The following CNPY1 variants were observed in gnomAD, a reference collection of about 807,000 sequenced individuals.
CNPY1 encodes canopy FGF signaling regulator 1, also known as protein canopy homolog 1.
CNPY1 carries 14 observed loss-of-function variants against 14.4 expected under a neutral mutation model. That is an observed-to-expected ratio of 0.97 (90% CI 0.64 to 1.52). The LOEUF (loss-of-function observed/expected upper bound fraction) is 1.52. CNPY1 is among the 40% of genes most tolerant of loss of function. The pLI, the probability that CNPY1 is intolerant of heterozygous loss-of-function variation, is 0.00. For missense variants in CNPY1, 129 were observed against 131.5 expected, an observed-to-expected ratio of 0.98 and a Z score of 0.09; for synonymous variants, 43 against 46.5, an observed-to-expected ratio of 0.92 and a Z score of 0.31.
At chr7:155,512,451 CTTG>C (rs1305735936) in intron 2 of CNPY1, among the ~76,000 whole-genome samples, 1 of 152,118 alleles carries the variant, frequency 6.6e-6, no homozygotes, top group Non-Finnish European at 1.5e-5. Flanking sequence ...TGACCCTGTG[CTTG>C]TTGTGTGAGC....
chr7:155,546,386 CTA>C lies in CNPY1; in HGVS notation c.-15+41_-15+42del, dbSNP rs1400088461. ...TTTTTTTAAGAGACGGGGGGTCTCA[CTA>C]TGTTGCCCAGGTAGGTCTTGAACTC... On this transcript the variant is annotated intron_variant, in intron 1 of 4. Transcript: ENST00000636446. The C allele has an allele frequency of 2.3e-5, 9 of 397,532 alleles. No individual in the cohort carries two copies. The East Asian group carries it at 3.2e-4, about 14-fold the overall frequency. The allele number at this position is 397,532 out of a possible 1,614,324, so 24.6% of individuals were successfully genotyped here.
At chr7:155,545,562 A>G (rs2116764331) in intron 2 of CNPY1, among the ~76,000 whole-genome samples, 1 of 152,326 alleles carries the variant, frequency 6.6e-6, no homozygotes, top group South Asian at 2.1e-4. Context: ...CCTCACCAAG[A>G]ACCACAGACG....
intron 2 of CNPY1, among the ~76,000 whole-genome samples, chr7:155,509,525 A>AGAGAGAGGGAGG (rs1491214732): frequency 6.6e-6 from 1 of 151,780 alleles, no homozygotes; most frequent in Non-Finnish European, 1.5e-5. Context: ...AGGGAGAGAC[A>AGAGAGAGGGAGG]GAGAGAGGGA....
At chr7:155,519,281 A>T (rs1274676916) in intron 2 of CNPY1, among the ~76,000 whole-genome samples, 1 of 152,126 alleles carries the variant, frequency 6.6e-6, no homozygotes, top group Non-Finnish European at 1.5e-5. Flanking sequence ...CCTGCACTAG[A>T]GAGGCCAAGA....
chr7:155,546,048 G>T, intron 1 of CNPY1, 105 bp from the exon 2 acceptor site: 1 of 398,124 alleles, frequency 2.5e-6, no homozygotes, highest in South Asian at 1.3e-4. Context: ...CAGGGACAGT[G>T]CCGACGTGCC....
intron 4 of CNPY1, 90 bp downstream of exon 4, chr7:155,506,930 G>A (rs539630390): frequency 8.4e-5 from 68 of 813,744 alleles, no homozygotes; most frequent in South Asian, 8.1e-4. Context: ...CAGAGGCAGC[G>A]AGGCTCGGTC....
intron 2 of CNPY1, among the ~76,000 whole-genome samples, chr7:155,517,231 G>T (rs1796638018): frequency 6.6e-6 from 1 of 152,114 alleles, no homozygotes. Flanking sequence ...CAGTGTCCTT[G>T]TAGGAAGAGG....
At chr7:155,544,794 T>C (rs1000761475) in intron 2 of CNPY1, among the ~76,000 whole-genome samples, 2 of 152,134 alleles carry the variant, frequency 1.3e-5, no homozygotes, top group East Asian at 1.9e-4. Context: ...TCTTGAAGGA[T>C]CCATCCTTGA....
At position 155,503,052 on chromosome 7, in the gene CNPY1, C is replaced by T. The variant is rs1796169246; in HGVS notation, c.*16G>A. 3 of 1,608,542 alleles carry T rather than the reference C, an allele frequency of 1.9e-6. No homozygotes were observed. The highest frequency in any genetic ancestry group is 1.7e-6 in the Non-Finnish European group (2 of 1,177,926). On this transcript the variant is annotated 3_prime_UTR_variant, in exon 5 of 5. Transcript: ENST00000636446. ...GTGTGACTTTACTCCTCTCTACGAC[C>T]AGCAGAACGGCACTCCTAGAGCTCA...
chr7:155,518,496 T>C (rs1796662565), intron 2 of CNPY1: 1 of 152,176 alleles, frequency 6.6e-6, no homozygotes, highest in African/African-American at 2.4e-5. Context: ...GACGGCACCT[T>C]TGGGAGAGCC....
chr7:155,521,079 CAAGGAAGG>C (rs1383173730), intron 2 of CNPY1, among the ~76,000 whole-genome samples: 3 of 90,666 alleles, frequency 3.3e-5, no homozygotes, highest in Non-Finnish European at 7.2e-5. Flanking sequence ...AGGAAGGAAG[CAAGGAAGG>C]AAGGAAGGAA....
At chr7:155,532,457 T>C (rs952296142) in intron 2 of CNPY1, among the ~76,000 whole-genome samples, 1 of 67,068 alleles carries the variant, frequency 1.5e-5, no homozygotes, top group Admixed American at 1.3e-4. Flanking sequence ...CCGTCTCTAC[T>C]AAAAATACAA....
At chr7:155,540,467 A>T (rs1797071131) in intron 2 of CNPY1, among the ~76,000 whole-genome samples, 2 of 152,260 alleles carry the variant, frequency 1.3e-5, no homozygotes, top group African/African-American at 4.8e-5. Flanking sequence ...GAAGCTAATT[A>T]CAGTGGCCCA....
At chr7:155,539,727 G>A (rs970879115) in intron 2 of CNPY1, among the ~76,000 whole-genome samples, 1 of 152,182 alleles carries the variant, frequency 6.6e-6, no homozygotes, top group Non-Finnish European at 1.5e-5. Context: ...TGTTAGCATG[G>A]GAGCCATATG....
At chr7:155,530,769 C>T (rs1213262836) in intron 2 of CNPY1, among the ~76,000 whole-genome samples, 2 of 152,200 alleles carry the variant, frequency 1.3e-5, no homozygotes, top group Admixed American at 1.3e-4. Context: ...GTGGGGGACC[C>T]AGTGATCCTG....
At chr7:155,510,012 G>C (rs1203503987) in intron 2 of CNPY1, among the ~76,000 whole-genome samples, 1 of 152,202 alleles carries the variant, frequency 6.6e-6, no homozygotes, top group Admixed American at 6.5e-5. Flanking sequence ...CGCAGCCCGG[G>C]CCTTTGCGGG....
rs527844481 is a variant in CNPY1 at position 155,523,262 on chromosome 7, C to T, written c.100-14165G>A. On this transcript the variant is annotated intron_variant, in intron 2 of 4. Coordinates refer to ENST00000636446, the MANE Select transcript of CNPY1 (RefSeq NM_001393663.1). ...TTATTCTTGCCAAATGGTCTGAACCCGCCTGGATGAGAACAGTCTCATGTA... is the reference window on the plus strand; with the variant it reads ...TTATTCTTGCCAAATGGTCTGAACCTGCCTGGATGAGAACAGTCTCATGTA... 5.3e-5 allele frequency among the ~76,000 whole-genome samples: 8 copies of T among 152,264 alleles called. No homozygotes were observed. In the South Asian group the frequency reaches 6.2e-4, roughly 12 times the overall value.
At chr7:155,510,040 C>T (rs987059053) in intron 2 of CNPY1, among the ~76,000 whole-genome samples, 5 of 152,230 alleles carry the variant, frequency 3.3e-5, no homozygotes, top group African/African-American at 1.2e-4. Flanking sequence ...CCTCTCCACC[C>T]TCTGCTGATC....
rs1488768680 is a variant in CNPY1 at position 155,501,877 on chromosome 7, T to C, written c.*1191A>G. 1 of 152,088 alleles carries C rather than the reference T, an allele frequency of 6.6e-6. No individual in the cohort carries two copies. Among genetic ancestry groups the C allele is most frequent in the African/African-American group, 2.4e-5 (1 of 41,420 alleles). 9.4% of individuals were successfully genotyped at this position (152,088 alleles called of 1,614,324 possible). On this transcript the variant is annotated 3_prime_UTR_variant, in exon 5 of 5. Transcript: ENST00000636446. ...GGCATGGAAAGCCCTTCCCCTTAGCTTTGGTAAATTTTCCTAAATTTAAGA... is the reference window on the plus strand; with the variant it reads ...GGCATGGAAAGCCCTTCCCCTTAGCCTTGGTAAATTTTCCTAAATTTAAGA...
Sources: gnomAD v4.1 joint callset for allele counts (sites outside exome capture counted in the v4.1 genomes callset) on GRCh38, gnomAD v4.1.1 for gene constraint, MANE v1.5 for transcripts, NCBI Gene and HGNC (gene_info 2026-07-23, HGNC 2026-07-21) for gene names.